Variants in ST18 observed in about 807,000 individuals in gnomAD.
ST18 encodes the protein ST18 C2H2C-type zinc finger transcription factor, also known as suppression of tumorigenicity 18 protein.
ST18 carries 50 observed loss-of-function variants against 110.0 expected under a neutral mutation model. The ratio of observed to expected loss-of-function variants is 0.45; its 90% CI spans 0.36 to 0.58. The LOEUF is 0.58. Among genes scored for constraint, ST18 ranks in the 20% least tolerant of loss-of-function variants. ST18 has a pLI of 0.00. For synonymous variants in ST18, 461 were observed against 452.4 expected (o/e 1.02, Z -0.24); for missense variants, 1,306 against 1,280.1 (o/e 1.02, Z -0.31).
chr8:52,318,432 G>A (rs565094601), intron 2 of ST18, among the ~76,000 whole-genome samples: 10 of 152,126 alleles, frequency 6.6e-5, no homozygotes, highest in East Asian at 1.9e-4. Flanking sequence ...AAAAAGGAAC[G>A]CTTTTACACT....
At chr8:52,333,608 C>T (rs1397502312) in intron 2 of ST18, among the ~76,000 whole-genome samples, 8 of 151,982 alleles carry the variant, frequency 5.3e-5, no homozygotes, top group Non-Finnish European at 8.8e-5. Context: ...GGGGGCGAAG[C>T]CAGGGAAGAG....
chr8:52,136,608 G>A lies in ST18; in HGVS notation c.2282C>T (p.Ala761Val), dbSNP rs1240184252. The change falls in exon 19 of 26, where the codon GCC becomes GTC. Residue 761 changes from alanine to valine, a missense_variant. Physicochemically the swap from Ala to Val is moderately conservative, Grantham distance 64. Coordinates refer to ENST00000689386, the MANE Select transcript of ST18 (RefSeq NM_001352837.2). ...CACTTACTTAAGCTCCTGAGAGTTG[G>A]CAGCCATGAGGGATTTTAGAGTCTT... ...ADKTLKSLMA[A>V]NSQELKCPTP... is the part of the protein sequence containing the mutation. The A allele has an allele frequency of 1.2e-6, 2 of 1,611,232 alleles. No individual in the cohort carries two copies. The highest frequency in any genetic ancestry group is 1.7e-6 in the Non-Finnish European group (2 of 1,179,040).
intron 6 of ST18, among the ~76,000 whole-genome samples, chr8:52,216,170 ATACTTAAGTGCAATCTTCTT>A (rs2084126546): frequency 6.6e-6 from 1 of 152,228 alleles, no homozygotes; most frequent in South Asian, 2.1e-4. Context: ...TTTCAGAAGC[ATACTTAAGTGCAATCTTCTT>A]TACACCGGCT....
chr8:52,250,091 A>G (rs539883858), intron 2 of ST18, among the ~76,000 whole-genome samples: 4 of 152,154 alleles, frequency 2.6e-5, no homozygotes, highest in East Asian at 1.9e-4. Flanking sequence ...TGAGAGCACT[A>G]TGAATGACGA....
chr8:52,384,437 C>G (rs73679084), intron 2 of ST18, among the ~76,000 whole-genome samples: 2,342 of 152,104 alleles, frequency 0.015, 62 homozygotes, highest in African/African-American at 0.054. Flanking sequence ...TCCTCCTTCC[C>G]CACTTCACTC....
rs1452241578 is a variant in ST18, at chr8:52,133,042, A to C, written c.2444+15T>G. The C allele has an allele frequency of 6.2e-7, 1 of 1,613,972 alleles. No individual in the cohort carries two copies. Among genetic ancestry groups the C allele is most frequent in the Non-Finnish European group, 8.5e-7 (1 of 1,179,958 alleles). On this transcript the variant is annotated intron_variant, in intron 21 of 25. Transcript: ENST00000689386. ...AAGAGACAGCTGACCCCCATGTCTC[A>C]ACTGTTGCACTTACTTCAGTTCAGG...
At chr8:52,135,470 C>A (rs962280859) in intron 19 of ST18, among the ~76,000 whole-genome samples, 3 of 146,656 alleles carry the variant, frequency 2.0e-5, no homozygotes, top group Admixed American at 1.4e-4. Context: ...CTGAGACAGG[C>A]AATCGCTTGA....
At chr8:52,242,379 A>G (rs1374011647) in intron 2 of ST18, among the ~76,000 whole-genome samples, 1 of 152,228 alleles carries the variant, frequency 6.6e-6, no homozygotes, top group Non-Finnish European at 1.5e-5. Context: ...ATGGTGCCTG[A>G]GGTTGAATCC....
chr8:52,328,239 G>T (rs560330549), intron 2 of ST18, among the ~76,000 whole-genome samples: 1 of 152,084 alleles, frequency 6.6e-6, no homozygotes, highest in Non-Finnish European at 1.5e-5. Context: ...ATTCAATCAC[G>T]AGCAGCCTAG....
chr8:52,199,001 A>G (rs2077078414), intron 8 of ST18: 1 of 152,166 alleles, frequency 6.6e-6, no homozygotes, highest in Non-Finnish European at 1.5e-5. Flanking sequence ...TGCTTCTGCC[A>G]TGGCCTCATT....
chr8:52,267,190 G>A (rs929711085), intron 2 of ST18, among the ~76,000 whole-genome samples: 1 of 152,018 alleles, frequency 6.6e-6, no homozygotes, highest in Admixed American at 6.5e-5. Context: ...GGGTTTAGCA[G>A]GTAAGACCCT....
At chr8:52,275,118 A>C (rs551307759) in intron 2 of ST18, among the ~76,000 whole-genome samples, 1 of 152,288 alleles carries the variant, frequency 6.6e-6, no homozygotes, top group East Asian at 1.9e-4. Context: ...CTAGACATTC[A>C]CCAATATCAA....
chr8:52,308,510 C>A (rs2095849836), intron 2 of ST18, among the ~76,000 whole-genome samples: 1 of 152,218 alleles, frequency 6.6e-6, no homozygotes, highest in Non-Finnish European at 1.5e-5. Flanking sequence ...TTTACTCACT[C>A]CTGCCCTGTG....
At chr8:52,358,158 GA>G (rs1050000022) in intron 2 of ST18, among the ~76,000 whole-genome samples, 1 of 151,802 alleles carries the variant, frequency 6.6e-6, no homozygotes, top group African/African-American at 2.4e-5. Context: ...TGAGATAAGT[GA>G]AAATGAAAAC....
chr8:52,263,955 C>T (rs2094785356), intron 2 of ST18, among the ~76,000 whole-genome samples: 1 of 151,840 alleles, frequency 6.6e-6, no homozygotes, highest in African/African-American at 2.4e-5. Flanking sequence ...TGTGCCACCT[C>T]GCCTGGCTAA....
At chr8:52,127,115 G>A (rs960129736) in intron 22 of ST18, among the ~76,000 whole-genome samples, 1 of 152,150 alleles carries the variant, frequency 6.6e-6, no homozygotes, top group African/African-American at 2.4e-5. Flanking sequence ...TCACTCTGAA[G>A]CTTGGGACAT....
At chr8:52,122,671 T>A (rs979566554) in intron 23 of ST18, among the ~76,000 whole-genome samples, 1 of 151,918 alleles carries the variant, frequency 6.6e-6, no homozygotes, top group Non-Finnish European at 1.5e-5. Flanking sequence ...GTATTTTTAT[T>A]AGAGATGGGG....
intron 2 of ST18, among the ~76,000 whole-genome samples, chr8:52,368,791 C>T (rs1239388357): frequency 5.9e-5 from 9 of 152,034 alleles, no homozygotes; most frequent in Non-Finnish European, 1.3e-4. Flanking sequence ...ATACACTGAT[C>T]GATGAAAGAG....
intron 2 of ST18, among the ~76,000 whole-genome samples, chr8:52,231,821 C>T (rs1171571136): frequency 1.3e-5 from 2 of 152,184 alleles, no homozygotes; most frequent in South Asian, 2.1e-4. Context: ...CTCTGAGGTT[C>T]TCACAAGGGT....
Sources: allele counts gnomAD v4.1 joint callset (sites outside exome capture counted in the v4.1 genomes callset), GRCh38; gene constraint gnomAD v4.1.1; transcripts MANE v1.5; gene names NCBI Gene and HGNC (gene_info 2026-07-23, HGNC 2026-07-21).